The following ZZEF1 variants were observed in gnomAD, a reference collection of about 807,000 sequenced individuals.
ZZEF1 encodes the protein zinc finger ZZ-type and EF-hand domain containing 1.
ZZEF1 carries 157 observed loss-of-function variants against 342.8 expected under a neutral mutation model. That is an observed-to-expected ratio of 0.46 (90% confidence interval 0.40 to 0.52). The LOEUF (loss-of-function observed/expected upper bound fraction) is 0.52. ZZEF1 is among the 20% of genes least tolerant of loss of function. The pLI is 0.00. For synonymous variants in ZZEF1, 1,505 were observed against 1,429.1 expected (o/e 1.05, Z -1.20); for missense variants, 3,480 against 3,725.6 (o/e 0.93, Z 1.72).
chr17:4,013,716 T>G (rs2056028550), intron 51 of ZZEF1, 102 bp from the exon 52 acceptor site: 6 of 1,256,802 alleles, frequency 4.8e-6, no homozygotes, highest in Non-Finnish European at 5.3e-6. Context: ...GAATTCTACA[T>G]TTTATAAACT....
At chr17:4,055,954 C>A (rs1408506065) in intron 33 of ZZEF1, among the ~76,000 whole-genome samples, 2 of 152,222 alleles carry the variant, frequency 1.3e-5, no homozygotes, top group Non-Finnish European at 1.5e-5. Flanking sequence ...GCCTCGCATG[C>A]GCGGTTTATT....
chr17:4,109,822 C>T lies in ZZEF1; in HGVS notation c.1108G>A (p.Asp370Asn). The change falls in exon 6 of 55, where the codon GAC (aspartate) becomes AAC (asparagine). Residue 370 changes from aspartate to asparagine, a missense_variant. By Grantham distance (23) the Asp-to-Asn change is conservative (BLOSUM62 1). Coordinates refer to ENST00000381638, the MANE Select transcript of ZZEF1 (RefSeq NM_015113.4). ...NIKRCLSDGC[D>N]TRIHGLRAVG... ...GCCCTGAGACCATGAATTCTAGTGT[C>T]GCAGCCATCGCTAAGACAACGCTTT... 4 of 1,614,176 alleles carry T rather than the reference C, an allele frequency of 2.5e-6. No homozygotes were observed. Among genetic ancestry groups the T allele is most frequent in the Non-Finnish European group, 3.4e-6 (4 of 1,180,032 alleles).
chr17:4,105,608 G>C lies in ZZEF1; in HGVS notation c.1394+85C>G, dbSNP rs1194074860. On this transcript the variant is annotated intron_variant, in intron 7 of 54. Transcript: ENST00000381638. The stretch of plus-strand genomic sequence containing the variant: ...CCATTTTTAGTGGTGATCGTTAAAA[G>C]ATTAATATATATTTTTTAAAGACTT... 3 of 1,044,940 alleles carry C rather than the reference G, an allele frequency of 2.9e-6. No homozygotes were observed. The South Asian group carries it at 4.3e-5, about 15-fold the overall frequency. The allele number at this position is 1,044,940 out of a possible 1,614,324, so 64.7% of individuals were successfully genotyped here.
Position 4,044,452 on chromosome 17 carries a change from A to G in ZZEF1, c.6016-78T>C, listed in dbSNP as rs1386857374. 2.9e-6 allele frequency: 4 copies of G among 1,372,480 alleles called. No individual in the cohort carries two copies. In the African/African-American group the frequency reaches 4.5e-5, roughly 15 times the overall value. The allele number at this position is 1,372,480 out of a possible 1,614,324, so 85.0% of individuals were successfully genotyped here. A position where few individuals can be genotyped will look rare whatever the true frequency, so the allele number is the denominator to read the frequency against. On this transcript the variant is annotated intron_variant, in intron 37 of 54. Transcript: ENST00000381638. ...CCATGATTATGATAACTTTTTAATG[A>G]TTAGCCAGTCTTCATAGACTAAAAA...
chr17:4,131,650 T>A (rs1203264295), intron 1 of ZZEF1, among the ~76,000 whole-genome samples: 1 of 151,884 alleles, frequency 6.6e-6, no homozygotes, highest in Non-Finnish European at 1.5e-5. Context: ...CGTGGTGGTA[T>A]GCACCTGTAA....
intron 9 of ZZEF1, among the ~76,000 whole-genome samples, chr17:4,101,551 T>C (rs554184626): frequency 2.0e-5 from 3 of 152,332 alleles, no homozygotes; most frequent in East Asian, 1.9e-4. Flanking sequence ...ATTATTATGT[T>C]GACACTAGGA....
intron 52 of ZZEF1, among the ~76,000 whole-genome samples, chr17:4,010,785 A>C (rs1160156348): frequency 6.6e-6 from 1 of 151,926 alleles, no homozygotes. Flanking sequence ...TATACAAAAT[A>C]AAATTCAAAA....
chr17:4,135,878 G>A (rs999832523), intron 1 of ZZEF1, among the ~76,000 whole-genome samples: 1 of 150,816 alleles, frequency 6.6e-6, no homozygotes, highest in Non-Finnish European at 1.5e-5. Flanking sequence ...ACTTTTATTG[G>A]CTGATCCAGT....
intron 2 of ZZEF1, among the ~76,000 whole-genome samples, chr17:4,118,752 TAGAA>T (rs2058437704): frequency 1.3e-5 from 2 of 152,294 alleles, no homozygotes; most frequent in South Asian, 2.1e-4. Context: ...TCCTTTATCT[TAGAA>T]AGAATATCTT....
At chr17:4,045,569 T>A (rs745962599) in intron 37 of ZZEF1, among the ~76,000 whole-genome samples, 1 of 152,202 alleles carries the variant, frequency 6.6e-6, no homozygotes, top group African/African-American at 2.4e-5. Context: ...CTGCCACAGA[T>A]GAAGCTATTT....
Position 4,017,513 on chromosome 17 carries a change from C to T in ZZEF1, c.7859G>A (p.Arg2620His), listed in dbSNP as rs903124457. 11 of 1,614,140 alleles carry T rather than the reference C, an allele frequency of 6.8e-6. No individual in the cohort carries two copies. The highest frequency in any genetic ancestry group is 6.7e-5 in the Admixed American group (4 of 60,014). ...GGCGAGCAGGGATGCAAGCACGTGG[C>T]GGGCGTACAGGACAGCTGTGGCCTC... ...VNEATAVLYA[R>H]HVLASLLAEW... is the part of the protein sequence containing the mutation. The change falls in exon 48 of 55, where the codon CGC becomes CAC. Residue 2620 changes from arginine (R) to histidine (H), a missense_variant. Coordinates refer to ENST00000381638, the MANE Select transcript of ZZEF1 (RefSeq NM_015113.4). The surrounding 1 kb of genome is among the most constrained non-coding windows in gnomAD (Gnocchi z 5.1).
intron 11 of ZZEF1, among the ~76,000 whole-genome samples, chr17:4,091,882 G>A (rs1026453729): frequency 1.3e-5 from 2 of 150,660 alleles, no homozygotes; most frequent in Non-Finnish European, 3.0e-5. Context: ...TTCGAGACCA[G>A]CCTGACCAAC....
At position 4,009,624 on chromosome 17, in the gene ZZEF1, CGAA is replaced by C; in HGVS notation, c.8710_8712del (p.Phe2904del). 1 of 1,613,608 alleles carries C rather than the reference CGAA, an allele frequency of 6.2e-7. No individual in the cohort carries two copies. On this transcript the variant is annotated inframe_deletion, in exon 53 of 55. Transcript: ENST00000381638. The stretch of plus-strand genomic sequence containing the variant: ...CTCACCTGGGCACGGTTCTCGGTGA[CGAA>C]GAAGAGCTCAGTGAGGGCACGATGC...
At chr17:4,091,552 G>A (rs2057943011) in intron 11 of ZZEF1, among the ~76,000 whole-genome samples, 1 of 152,034 alleles carries the variant, frequency 6.6e-6, no homozygotes, top group African/African-American at 2.4e-5. Context: ...TGAGGTGGAT[G>A]GATCACTTGA....
At chr17:4,071,898 G>A (rs1183239416) in intron 25 of ZZEF1, among the ~76,000 whole-genome samples, 1 of 152,260 alleles carries the variant, frequency 6.6e-6, no homozygotes, top group East Asian at 1.9e-4. Context: ...AGAGGATGAA[G>A]TCTTGGTGGG....
At chr17:4,069,569 G>T (rs1001620714) in intron 26 of ZZEF1, among the ~76,000 whole-genome samples, 1 of 152,204 alleles carries the variant, frequency 6.6e-6, no homozygotes, top group Admixed American at 6.5e-5. Flanking sequence ...CGGTACTCAC[G>T]TCTGTAATCC....
At chr17:4,038,644 A>G (rs557936284) in intron 39 of ZZEF1, among the ~76,000 whole-genome samples, 1 of 152,150 alleles carries the variant, frequency 6.6e-6, no homozygotes, top group African/African-American at 2.4e-5. Context: ...GGCTCTACTC[A>G]AAATATAAAA....
In ZZEF1 at chr17:4,070,916, G is replaced by A; in HGVS notation, c.3843C>T (p.Asn1281=). The change falls in exon 26 of 55, where the codon AAC becomes AAT. Residue 1281 remains asparagine (N), a synonymous_variant. Transcript: ENST00000381638. ...AATGGCGGCAGGGGTCGTCAGGAAT[G>A]TTCTTAACCTGGAAACAAAAAATAA... ...HPHRNSKEVK[N]IPDDPCRHFL... 1.2e-6 allele frequency: 2 copies of A among 1,609,226 alleles called. No individual in the cohort carries two copies. The highest frequency in any genetic ancestry group is 1.7e-6 in the Non-Finnish European group (2 of 1,178,386).
At chr17:4,040,374 T>C (rs1454631738) in intron 39 of ZZEF1, among the ~76,000 whole-genome samples, 1 of 152,146 alleles carries the variant, frequency 6.6e-6, no homozygotes, top group African/African-American at 2.4e-5. Context: ...CTAAAAGTAG[T>C]TTGAGAGAGG....
Sources: gnomAD v4.1 joint callset for allele counts (sites outside exome capture counted in the v4.1 genomes callset) on GRCh38, gnomAD v4.1.1 for gene constraint, Gnocchi (gnomAD v3.1) non-coding constraint, MANE v1.5 for transcripts, NCBI Gene and HGNC (gene_info 2026-07-23, HGNC 2026-07-21) for gene names.